Variants in HTR1F observed in about 807,000 individuals in gnomAD.
The protein encoded by HTR1F is 5-hydroxytryptamine (serotonin) receptor 1F, G protein-coupled.
A neutral mutation model predicts 24.0 loss-of-function variants in HTR1F; 17 were observed. The observed-to-expected ratio is 0.71, with a 90% CI of 0.48 to 1.06. HTR1F has a LOEUF of 1.06. Ranked by LOEUF, HTR1F falls within the 50% of genes least tolerant of loss-of-function variation. HTR1F has a pLI of 0.00. For missense variants in HTR1F, 391 were observed against 427.8 expected, an observed-to-expected ratio of 0.91 and a Z score of 0.76; for synonymous variants, 186 against 156.8, an observed-to-expected ratio of 1.19 and a Z score of -1.39.
chr3:87,913,335 A>C (rs1297851697), intron 2 of HTR1F, among the ~76,000 whole-genome samples: 3 of 152,200 alleles, frequency 2.0e-5, no homozygotes, highest in African/African-American at 4.8e-5. Context: ...ATACCAAAAA[A>C]AGCTCAACAT....
intron 2 of HTR1F, among the ~76,000 whole-genome samples, chr3:87,841,417 C>G (rs116000503): frequency 6.6e-6 from 1 of 151,748 alleles, no homozygotes; most frequent in Non-Finnish European, 1.5e-5. Context: ...TTTTTACTTA[C>G]GATTGCATTA....
Position 87,903,464 on chromosome 3 carries a change from G to A in HTR1F, c.-43+81340G>A, listed in dbSNP as rs181004601. ...ACAACCCCATCAAAAAGTGGGCAAAGGACATGAACAGACACTTCTCAAAAG... is the reference window on the plus strand; with the variant it reads ...ACAACCCCATCAAAAAGTGGGCAAAAGACATGAACAGACACTTCTCAAAAG... On this transcript the variant is annotated intron_variant, in intron 2 of 2. Transcript: ENST00000319595. Among the ~76,000 whole-genome samples, 752 of 151,916 alleles carry A rather than the reference G, an allele frequency of 5.0e-3. 7 individuals carry two copies. Among genetic ancestry groups the A allele is most frequent in the African/African-American group, 0.017 (698 of 41,386 alleles).
chr3:87,944,606 G>A (rs1704650423), intron 2 of HTR1F, among the ~76,000 whole-genome samples: 1 of 152,166 alleles, frequency 6.6e-6, no homozygotes, highest in Non-Finnish European at 1.5e-5. Flanking sequence ...TGGGTTAAGG[G>A]AATTATCAGT....
intron 2 of HTR1F, among the ~76,000 whole-genome samples, chr3:87,869,433 A>ATAGG (rs1178670251): frequency 7.4e-6 from 1 of 135,288 alleles, no homozygotes; most frequent in Admixed American, 7.1e-5. Flanking sequence ...AGATAGATAG[A>ATAGG]TACATAGATA....
At chr3:87,865,198 G>A (rs1220957740) in intron 2 of HTR1F, among the ~76,000 whole-genome samples, 2 of 152,010 alleles carry the variant, frequency 1.3e-5, no homozygotes, top group Admixed American at 1.3e-4. Flanking sequence ...ATAGAACAAT[G>A]TGGTTTTTTT....
intron 1 of HTR1F, among the ~76,000 whole-genome samples, chr3:87,819,695 A>C (rs1704317449): frequency 6.6e-6 from 1 of 152,052 alleles, no homozygotes; most frequent in South Asian, 2.1e-4. Flanking sequence ...ATAACTGACC[A>C]GTATCTCCAT....
chr3:87,899,633 C>A (rs1449367364), intron 2 of HTR1F, among the ~76,000 whole-genome samples: 1 of 152,040 alleles, frequency 6.6e-6, no homozygotes, highest in African/African-American at 2.4e-5. Flanking sequence ...GAGGCTGAGG[C>A]GGGCTGATCA....
At chr3:87,860,679 A>G (rs1052307378) in intron 2 of HTR1F, among the ~76,000 whole-genome samples, 1 of 152,190 alleles carries the variant, frequency 6.6e-6, no homozygotes, top group Admixed American at 6.5e-5. Flanking sequence ...AGAATCAGAA[A>G]AGTACATTGA....
chr3:87,849,294 A>G (rs202171632), intron 2 of HTR1F, among the ~76,000 whole-genome samples: 18,604 of 151,476 alleles, frequency 0.12, 1,566 homozygotes, highest in African/African-American at 0.22. Context: ...AGCCCTCAGA[A>G]ATAATGCCGC....
intron 1 of HTR1F, among the ~76,000 whole-genome samples, chr3:87,812,064 A>C (rs1195308022): frequency 6.6e-6 from 1 of 152,180 alleles, no homozygotes; most frequent in Non-Finnish European, 1.5e-5. Context: ...CAGAACTGTG[A>C]GTCAATTAAA....
chr3:87,953,097 T>C (rs1704869179), intron 2 of HTR1F, among the ~76,000 whole-genome samples: 1 of 151,708 alleles, frequency 6.6e-6, no homozygotes, highest in African/African-American at 2.4e-5. Flanking sequence ...ACTATTAAAC[T>C]ACTAGAATAA....
chr3:87,935,217 G>A (rs974557100), intron 2 of HTR1F, among the ~76,000 whole-genome samples: 16 of 152,254 alleles, frequency 1.1e-4, no homozygotes, highest in Admixed American at 6.5e-4. Context: ...AGACAACAAC[G>A]TGAGAAGTAC....
intron 2 of HTR1F, among the ~76,000 whole-genome samples, chr3:87,963,756 G>A (rs1254996906): frequency 6.6e-6 from 1 of 152,032 alleles, no homozygotes; most frequent in African/African-American, 2.4e-5. Context: ...TGGCACCTGA[G>A]GGTTAGAGAT....
At chr3:87,871,690 G>A (rs1575969871) in intron 2 of HTR1F, among the ~76,000 whole-genome samples, 1 of 152,132 alleles carries the variant, frequency 6.6e-6, no homozygotes, top group African/African-American at 2.4e-5. Context: ...GACATATAAT[G>A]GAGCTCCCAT....
chr3:87,848,305 G>T (rs1156487196), intron 2 of HTR1F, among the ~76,000 whole-genome samples: 1 of 151,746 alleles, frequency 6.6e-6, no homozygotes, highest in African/African-American at 2.4e-5. Context: ...CTGGCTGTTT[G>T]TATGTCTTCT....
intron 1 of HTR1F, among the ~76,000 whole-genome samples, chr3:87,797,829 C>A (rs935574114): frequency 6.6e-6 from 1 of 151,994 alleles, no homozygotes; most frequent in African/African-American, 2.4e-5. Context: ...CGGAAGTAGA[C>A]CAATGAGGAT....
At chr3:87,817,277 G>A (rs1704266408) in intron 1 of HTR1F, among the ~76,000 whole-genome samples, 1 of 152,088 alleles carries the variant, frequency 6.6e-6, no homozygotes, top group Admixed American at 6.6e-5. Context: ...AACCATCTTA[G>A]TTGACATCAT....
chr3:87,884,220 A>G (rs1705881279), intron 2 of HTR1F, among the ~76,000 whole-genome samples: 1 of 152,198 alleles, frequency 6.6e-6, no homozygotes, highest in Non-Finnish European at 1.5e-5. Context: ...ATTTTCACCC[A>G]GAATTTTATA....
chr3:87,892,743 G>A (rs375286002), intron 2 of HTR1F, among the ~76,000 whole-genome samples: 6 of 151,846 alleles, frequency 4.0e-5, no homozygotes, highest in Admixed American at 2.0e-4. Flanking sequence ...TTATATTATC[G>A]TGCGCCCTTT....
Sources: gnomAD v4.1 joint callset for allele counts (sites outside exome capture counted in the v4.1 genomes callset) on GRCh38, gnomAD v4.1.1 for gene constraint, MANE v1.5 for transcripts, NCBI Gene and HGNC (gene_info 2026-07-23, HGNC 2026-07-21) for gene names.